Variants in GRM7 observed in about 807,000 individuals in gnomAD.
GRM7 encodes metabotropic glutamate receptor 7.
In GRM7, 35 loss-of-function variants were observed where a neutral mutation model predicts 84.5. That is an observed-to-expected ratio of 0.41 (90% confidence interval 0.32 to 0.55). The LOEUF is 0.55. Among genes scored for constraint, GRM7 ranks in the 20% least tolerant of loss-of-function variants. The probability of loss-of-function intolerance (pLI) is 0.19; values close to 1 mark genes in which losing one functional copy is unlikely to be tolerated. For synonymous variants in GRM7, 487 were observed against 455.1 expected, an observed-to-expected ratio of 1.07 and a Z score of -0.89; for missense variants, 1,003 against 1,194.6, an observed-to-expected ratio of 0.84 and a Z score of 2.36.
intron 1 of GRM7, among the ~76,000 whole-genome samples, chr3:7,090,417 G>A (rs1177425352): frequency 1.3e-5 from 2 of 152,104 alleles, no homozygotes; most frequent in East Asian, 3.9e-4. Flanking sequence ...GGGATGAATG[G>A]ATGAAAGAAG....
At chr3:7,042,432 A>G (rs1696659304) in intron 1 of GRM7, among the ~76,000 whole-genome samples, 2 of 152,168 alleles carry the variant, frequency 1.3e-5, no homozygotes, top group African/African-American at 2.4e-5. Context: ...ACGTCATCAG[A>G]CCAGACCATA....
At chr3:7,560,158 G>A (rs1693947197) in intron 7 of GRM7, 1 of 152,048 alleles carries the variant, frequency 6.6e-6, no homozygotes, top group South Asian at 2.1e-4. Flanking sequence ...AAAGTAGGGA[G>A]AGGCATAGAA....
chr3:7,063,404 G>A (rs1257424181), intron 1 of GRM7, among the ~76,000 whole-genome samples: 4 of 151,706 alleles, frequency 2.6e-5, no homozygotes, highest in African/African-American at 7.3e-5. Flanking sequence ...AGCAGGTGAA[G>A]CTGGGGTTAG....
At chr3:7,102,129 A>C (rs1267870784) in intron 1 of GRM7, among the ~76,000 whole-genome samples, 1 of 151,672 alleles carries the variant, frequency 6.6e-6, no homozygotes, top group Non-Finnish European at 1.5e-5. Flanking sequence ...CTTATTTACC[A>C]TTTCCATTTC....
At chr3:7,365,343 C>T (rs1693831382) in intron 4 of GRM7, among the ~76,000 whole-genome samples, 1 of 151,630 alleles carries the variant, frequency 6.6e-6, no homozygotes. Context: ...ACTCTTCTCT[C>T]TCATCTGTTC....
At chr3:7,039,190 A>G (rs1010968420) in intron 1 of GRM7, among the ~76,000 whole-genome samples, 3 of 152,186 alleles carry the variant, frequency 2.0e-5, no homozygotes, top group African/African-American at 7.2e-5. Context: ...GTTTCTTACA[A>G]GCCTGTGATT....
rs1553632698 is a variant in GRM7, at chr3:7,656,522, A to ATAT, written c.2452-23527_2452-23526insTAT. On this transcript the variant is annotated intron_variant, in intron 8 of 9. Coordinates refer to ENST00000357716, the MANE Select transcript of GRM7 (RefSeq NM_000844.4). ...AAAAACAAACAAACAAATAAAAAAA[A>ATAT]ATATATATATATATATACGCGCGCG... Among the ~76,000 whole-genome samples, 341 of 128,656 alleles carry ATAT rather than the reference A, an allele frequency of 2.7e-3. 1 individual carries two copies. Among genetic ancestry groups the ATAT allele is most frequent in the Middle Eastern group, 4.0e-3 (1 of 248 alleles). 84.4% of individuals were successfully genotyped at this position (128,656 alleles called of 152,430 possible).
intron 4 of GRM7, among the ~76,000 whole-genome samples, chr3:7,360,137 C>CTGTGTGTGTGTG (rs58123164): frequency 1.5e-5 from 2 of 135,948 alleles, no homozygotes; most frequent in African/African-American, 2.9e-5. Context: ...TTTTTTCCCT[C>CTGTGTGTGTGTG]TGTGTGTGTG....
intron 4 of GRM7, among the ~76,000 whole-genome samples, chr3:7,384,203 A>G (rs993327492): frequency 1.3e-5 from 2 of 151,902 alleles, no homozygotes; most frequent in African/African-American, 4.8e-5. Flanking sequence ...TAATTTTTAC[A>G]TTTTTAGTAG....
chr3:7,526,868 T>C (rs1278593607), intron 7 of GRM7, among the ~76,000 whole-genome samples: 1 of 151,944 alleles, frequency 6.6e-6, no homozygotes, highest in East Asian at 1.9e-4. Context: ...GTTTTCTATA[T>C]TGTTTTATTG....
intron 5 of GRM7, among the ~76,000 whole-genome samples, chr3:7,434,872 G>A (rs1449046893): frequency 1.3e-5 from 2 of 152,018 alleles, no homozygotes; most frequent in Non-Finnish European, 1.5e-5. Context: ...TTTTAGTAAT[G>A]TTATATATTC....
intron 4 of GRM7, among the ~76,000 whole-genome samples, chr3:7,380,501 C>T (rs1694545665): frequency 6.6e-6 from 1 of 152,284 alleles, no homozygotes; most frequent in South Asian, 2.1e-4. Flanking sequence ...ATTCTGTACA[C>T]ATTTATTCTC....
intron 4 of GRM7, among the ~76,000 whole-genome samples, chr3:7,331,005 T>C (rs547764493): frequency 1.4e-3 from 210 of 152,322 alleles, no homozygotes; most frequent in African/African-American, 5.0e-3. Context: ...CTGTAAGAGC[T>C]TGCTATCTTA....
intron 1 of GRM7, among the ~76,000 whole-genome samples, chr3:6,998,646 C>A (rs560589467): frequency 6.6e-6 from 1 of 152,244 alleles, no homozygotes; most frequent in Non-Finnish European, 1.5e-5. Flanking sequence ...TGTTTCCATA[C>A]ATCCTATGAA....
chr3:6,899,719 A>C (rs959232960), intron 1 of GRM7, among the ~76,000 whole-genome samples: 1 of 152,198 alleles, frequency 6.6e-6, no homozygotes, highest in Admixed American at 6.5e-5. Context: ...CAAACTGACT[A>C]ATGATAAAAA....
At chr3:7,626,109 C>T (rs949176047) in intron 8 of GRM7, among the ~76,000 whole-genome samples, 12 of 152,038 alleles carry the variant, frequency 7.9e-5, no homozygotes, top group African/African-American at 2.4e-4. Context: ...GGCCAGACTG[C>T]AAAAGGTAAA....
At chr3:7,577,766 A>G (rs1475218143) in intron 7 of GRM7, among the ~76,000 whole-genome samples, 1 of 152,216 alleles carries the variant, frequency 6.6e-6, no homozygotes, top group African/African-American at 2.4e-5. Flanking sequence ...GAAATAGTCT[A>G]ATACAATTAA....
chr3:7,561,146 C>A (rs1233554714), intron 7 of GRM7, among the ~76,000 whole-genome samples: 1 of 152,080 alleles, frequency 6.6e-6, no homozygotes, highest in East Asian at 1.9e-4. Context: ...GAATCTAGTG[C>A]ATTCATGCTT....
At chr3:7,568,570 C>A (rs1694447343) in intron 7 of GRM7, among the ~76,000 whole-genome samples, 1 of 152,236 alleles carries the variant, frequency 6.6e-6, no homozygotes, top group South Asian at 2.1e-4. Context: ...CCGGAGCCGG[C>A]TCCCTTAGCT....
Sources: gnomAD v4.1 joint callset for allele counts (sites outside exome capture counted in the v4.1 genomes callset) on GRCh38, gnomAD v4.1.1 for gene constraint, MANE v1.5 for transcripts, NCBI Gene and HGNC (gene_info 2026-07-23, HGNC 2026-07-21) for gene names.